The following MTG2 variants were observed in gnomAD, a reference collection of about 807,000 sequenced individuals.
The protein encoded by MTG2 is mitochondrial ribosome-associated GTPase 2.
Under a neutral mutation model 28.6 loss-of-function variants are expected in MTG2, and 23 were observed. The observed-to-expected ratio is 0.80, with a 90% CI of 0.58 to 1.14. The LOEUF (loss-of-function observed/expected upper bound fraction) is 1.14. Ranked by LOEUF, MTG2 falls within the 50% of genes most tolerant of loss-of-function variation. MTG2 has a pLI of 0.00. For missense variants in MTG2, 539 were observed against 552.0 expected, an observed-to-expected ratio of 0.98 and a Z score of 0.24; for synonymous variants, 260 against 251.8, an observed-to-expected ratio of 1.03 and a Z score of -0.31.
chr20:62,200,667 CCT>C lies in MTG2; in HGVS notation c.827-15_827-14del, dbSNP rs1555834204. 1.5e-5 allele frequency: 24 copies of C among 1,585,922 alleles called. No individual in the cohort carries two copies. The highest frequency in any genetic ancestry group is 9.4e-5 in the African/African-American group (7 of 74,156). On this transcript the variant is annotated splice_polypyrimidine_tract_variant and intron_variant, in intron 6 of 6. Transcript: ENST00000370823. ...GTGCCAAGTGGTCACCTCGTGTGCC[CCT>C]GTCTTCCCTGCAGTGGCCGACATCC...
intron 1 of MTG2, among the ~76,000 whole-genome samples, chr20:62,192,091 G>A (rs918155794): frequency 6.6e-6 from 1 of 152,218 alleles, no homozygotes; most frequent in Non-Finnish European, 1.5e-5. Flanking sequence ...CAGGCATCCT[G>A]TAATTCAGTT....
At position 62,201,234 on chromosome 20, in the gene MTG2, G is replaced by A. The variant is rs2058165407; in HGVS notation, c.*157G>A. On this transcript the variant is annotated 3_prime_UTR_variant, in exon 7 of 7. Transcript: ENST00000370823. ...TGCTGGCCTGAGATGCCCTCATGTT[G>A]GGAAGCATTCCGTGCCCCCTACCCC... The A allele has an allele frequency of 2.2e-6, 2 of 928,856 alleles. No homozygotes were observed. Among genetic ancestry groups the A allele is most frequent in the South Asian group, 1.8e-5 (1 of 56,334 alleles). 57.5% of individuals were successfully genotyped at this position (928,856 alleles called of 1,614,324 possible). A position where few individuals can be genotyped will look rare whatever the true frequency, so the allele number is the denominator to read the frequency against.
intron 1 of MTG2, among the ~76,000 whole-genome samples, chr20:62,184,183 C>A (rs369459315): frequency 6.6e-6 from 1 of 152,130 alleles, no homozygotes; most frequent in Non-Finnish European, 1.5e-5. Flanking sequence ...ATGGTGAAAC[C>A]CCATCTCTAC....
Position 62,203,265 on chromosome 20 carries a change from T to TG in MTG2, c.*2192dup, listed in dbSNP as rs1455363753. ...GATCTGGGCCTGACTGTGGCTGCTC[T>TG]GGGGACATGCCCTCGTCCTTTGCTG... On this transcript the variant is annotated 3_prime_UTR_variant, in exon 7 of 7. Transcript: ENST00000370823. 1 of 152,240 alleles carries TG rather than the reference T, an allele frequency of 6.6e-6. No individual in the cohort carries two copies. The highest frequency in any genetic ancestry group is 2.4e-5 in the African/African-American group (1 of 41,470). The allele number at this position is 152,240 out of a possible 1,614,324, so 9.4% of individuals were successfully genotyped here. A position where few individuals can be genotyped will look rare whatever the true frequency, so the allele number is the denominator to read the frequency against.
At position 62,199,267 on chromosome 20, in the gene MTG2, C is replaced by A. The variant is rs1448119450; in HGVS notation, c.826+10C>A. 1.2e-6 allele frequency: 2 copies of A among 1,607,314 alleles called. No individual in the cohort carries two copies. Among genetic ancestry groups the A allele is most frequent in the Non-Finnish European group, 1.7e-6 (2 of 1,174,856 alleles). On this transcript the variant is annotated intron_variant, in intron 6 of 6. Coordinates refer to ENST00000370823, the MANE Select transcript of MTG2 (RefSeq NM_015666.4). ...CACCTACAAATAGCAGGTAGAACTT[C>A]CAGAATTCTCCCAAAGGTTAGATTT...
At chr20:62,184,097 G>C (rs1005467244) in intron 1 of MTG2, among the ~76,000 whole-genome samples, 2 of 152,238 alleles carry the variant, frequency 1.3e-5, no homozygotes, top group African/African-American at 2.4e-5. Flanking sequence ...GGTGGCTCAC[G>C]CCTGTAATCC....
chr20:62,196,777 C>T (rs1230026273), intron 3 of MTG2, among the ~76,000 whole-genome samples: 1 of 151,766 alleles, frequency 6.6e-6, no homozygotes, highest in Admixed American at 6.6e-5. Context: ...ACCTGTAATC[C>T]CAGCACTTTG....
At chr20:62,183,716 T>G (rs955403089) in intron 1 of MTG2, among the ~76,000 whole-genome samples, 1 of 152,146 alleles carries the variant, frequency 6.6e-6, no homozygotes, top group Non-Finnish European at 1.5e-5. Context: ...GCAGTGTCAC[T>G]AGAGAAATAC....
At chr20:62,186,740 G>A (rs144234728) in intron 1 of MTG2, among the ~76,000 whole-genome samples, 1,677 of 151,946 alleles carry the variant, frequency 0.011, 34 homozygotes, top group African/African-American at 0.038. Flanking sequence ...TGTTGGCCAC[G>A]CTGGTCTTGA....
At chr20:62,193,082 T>C (rs1294654866) in intron 1 of MTG2, among the ~76,000 whole-genome samples, 1 of 152,242 alleles carries the variant, frequency 6.6e-6, no homozygotes, top group African/African-American at 2.4e-5. Context: ...TTCAAGAAAT[T>C]TTGACTTGCA....
chr20:62,183,089 G>GA (rs1470771552), intron 1 of MTG2, 32 bp downstream of exon 1: 1 of 152,272 alleles, frequency 6.6e-6, no homozygotes, highest in African/African-American at 2.4e-5. Flanking sequence ...GGGGAGCGTG[G>GA]GCCTGGGGGG....
intron 1 of MTG2, among the ~76,000 whole-genome samples, chr20:62,189,910 G>T (rs538433361): frequency 6.6e-6 from 1 of 152,110 alleles, no homozygotes; most frequent in African/African-American, 2.4e-5. Context: ...TGGTCCGCCC[G>T]CTTCAGCCTC....
Position 62,198,720 on chromosome 20 carries a change from C to T in MTG2, c.555C>T (p.Gly185=), listed in dbSNP as rs753361061. The T allele has an allele frequency of 6.2e-6, 10 of 1,613,972 alleles. No homozygotes were observed. The African/African-American group carries it at 1.1e-4, about 17-fold the overall frequency. Reference sequence around the variant, plus strand: ...GAGATGAGTACATTGCCGCGCTGGGCGGGGCAGGAGGGAAAGGCAACCGCT... The same window carrying T: ...GAGATGAGTACATTGCCGCGCTGGGTGGGGCAGGAGGGAAAGGCAACCGCT... ...CVGDEYIAAL[G]GAGGKGNRFF... is the part of the protein sequence containing the mutation. The change falls in exon 5 of 7, where the codon GGC becomes GGT. Residue 185 remains glycine, a synonymous_variant. Transcript: ENST00000370823.
chr20:62,188,511 T>TTTA (rs1348720146), intron 1 of MTG2, among the ~76,000 whole-genome samples: 2 of 144,584 alleles, frequency 1.4e-5, no homozygotes, highest in Non-Finnish European at 3.0e-5. Flanking sequence ...TCAGCTAATT[T>TTTA]TTTTTTTTTT....
intron 4 of MTG2, chr20:62,198,389 A>G: frequency 1.7e-6 from 1 of 582,100 alleles, no homozygotes; most frequent in East Asian, 2.9e-5. Flanking sequence ...ACGTTTTAGA[A>G]ACACTATTTG....
intron 1 of MTG2, among the ~76,000 whole-genome samples, chr20:62,191,976 G>A (rs1305109262): frequency 6.6e-6 from 1 of 152,226 alleles, no homozygotes; most frequent in Non-Finnish European, 1.5e-5. Context: ...CTGCAGCTGT[G>A]CCAACCCTGT....
rs2058119929 is a variant in MTG2 at position 62,199,309 on chromosome 20, A to G, written c.826+52A>G. ...GTTAGATTTAAATGATGTAATTCAG[A>G]AAAGTAATGATGTAACTCTTAAATT... On this transcript the variant is annotated intron_variant, in intron 6 of 6. Transcript: ENST00000370823. 5 of 1,575,518 alleles carry G rather than the reference A, an allele frequency of 3.2e-6. No individual in the cohort carries two copies. In the East Asian group the frequency reaches 1.1e-4, roughly 36 times the overall value.
intron 1 of MTG2, among the ~76,000 whole-genome samples, chr20:62,190,714 A>G (rs2057940851): frequency 6.6e-6 from 1 of 152,348 alleles, no homozygotes; most frequent in East Asian, 1.9e-4. Context: ...CTGAGCCCCA[A>G]GCCCCACCTG....
intron 2 of MTG2, among the ~76,000 whole-genome samples, chr20:62,195,491 A>T: frequency 6.6e-6 from 1 of 152,178 alleles, no homozygotes; most frequent in East Asian, 1.9e-4. Context: ...TTTAGCTTAG[A>T]AATGCTGATT....
Sources: allele counts gnomAD v4.1 joint callset (sites outside exome capture counted in the v4.1 genomes callset), GRCh38; gene constraint gnomAD v4.1.1; transcripts MANE v1.5; gene names NCBI Gene and HGNC (gene_info 2026-07-23, HGNC 2026-07-21).